GPR85: variants seen among roughly 807,000 people sequenced by gnomAD.
GPR85 encodes the protein G protein-coupled receptor 85, also known as probable G protein-coupled receptor 85.
Under a neutral mutation model 21.3 loss-of-function variants are expected in GPR85, and 7 were observed. The observed-to-expected ratio is 0.33, with a 90% confidence interval of 0.19 to 0.62. The LOEUF is 0.62. Among genes scored for constraint, GPR85 ranks in the 20% least tolerant of loss-of-function variants. The pLI, the probability that GPR85 is intolerant of heterozygous loss-of-function variation, is 0.80. For missense variants in GPR85, 299 were observed against 443.8 expected, an observed-to-expected ratio of 0.67 and a Z score of 2.93; for synonymous variants, 167 against 166.1, an observed-to-expected ratio of 1.01 and a Z score of -0.04.
chr7:113,082,871 A>G lies in GPR85; in HGVS notation c.*738T>C, dbSNP rs1794173240. 6.6e-6 allele frequency: 1 copy of G among 152,518 alleles called. No homozygotes were observed. Among genetic ancestry groups the G allele is most frequent in the South Asian group, 2.1e-4 (1 of 4,822 alleles). 9.4% of individuals were successfully genotyped at this position (152,518 alleles called of 1,614,324 possible). A position where few individuals can be genotyped will look rare whatever the true frequency, so the allele number is the denominator to read the frequency against. ...CATTAATGTTGCCTCCCAGACCAAT[A>G]TCTAGCATTTGTAAAATATAAATGA... On this transcript the variant is annotated 3_prime_UTR_variant, in exon 3 of 3. Coordinates refer to ENST00000424100, the MANE Select transcript of GPR85 (RefSeq NM_001146267.2).
In GPR85 at chr7:113,083,926, T is replaced by C; in HGVS notation, c.796A>G (p.Thr266Ala). Residue 266 changes from threonine (T) to alanine (A), a missense_variant, in exon 3 of 3, where the codon ACA (threonine) becomes GCA (alanine). Physicochemically the swap from Thr to Ala is moderately conservative, Grantham distance 58. Coordinates refer to ENST00000424100, the MANE Select transcript of GPR85 (RefSeq NM_001146267.2). This position sits in a 1 kb window ranked among gnomAD's most constrained non-coding sequence, Gnocchi z 4.4. ...AAGACCAATAGCCTTCTTCTGCCTG[T>C]GGTGTTTGCATTTTGCCTGATGCCC... Reference protein sequence around the residue: ...LLGIRQNANTTGRRRLLVLDE... With the variant: ...LLGIRQNANTAGRRRLLVLDE... The C allele has an allele frequency of 6.2e-7, 1 of 1,614,134 alleles. No individual in the cohort carries two copies. The highest frequency in any genetic ancestry group is 8.5e-7 in the Non-Finnish European group (1 of 1,180,006).
At chr7:113,085,289 C>G in intron 2 of GPR85, among the ~76,000 whole-genome samples, 1 of 152,174 alleles carries the variant, frequency 6.6e-6, no homozygotes, top group East Asian at 1.9e-4. Context: ...GTTTCACAGG[C>G]AGCTTCTCTG....
upstream of GPR85, among the ~76,000 whole-genome samples, chr7:113,087,048 T>C (rs907335746): frequency 1.3e-5 from 2 of 152,176 alleles, no homozygotes; most frequent in African/African-American, 4.8e-5. Context: ...TATTTATTTA[T>C]TTATCTTTTT....
Position 113,083,825 on chromosome 7 carries a change from G to A in GPR85, c.897C>T (p.Gly299=), listed in dbSNP as rs763976960. ...TCCAATAACAGGCCACCAGGTAGGG[G>A]CCCCACAAGGTTAGAAACAGAAAAG... ...IMTFLFLTLW[G]PYLVACYWRV... The change falls in exon 3 of 3, where the codon GGC becomes GGT. Residue 299 remains glycine (G), a synonymous_variant. Coordinates refer to ENST00000424100, the MANE Select transcript of GPR85 (RefSeq NM_001146267.2). This position sits in a 1 kb window ranked among gnomAD's most constrained non-coding sequence, Gnocchi z 4.4. 4 of 1,614,176 alleles carry A rather than the reference G, an allele frequency of 2.5e-6. No individual in the cohort carries two copies. The highest frequency in any genetic ancestry group is 3.4e-6 in the Non-Finnish European group (4 of 1,180,010).
chr7:113,086,362 T>A lies in GPR85; in HGVS notation c.-329A>T, dbSNP rs1794278913. ...ATCCCGACAGACTATAGCTTCTTTCTATAAATTGCTGATTTTTTTCTTTTT... is the reference window on the plus strand; with the variant it reads ...ATCCCGACAGACTATAGCTTCTTTCAATAAATTGCTGATTTTTTTCTTTTT... On this transcript the variant is annotated 5_prime_UTR_variant, in exon 1 of 3. An upstream open reading frame in the 5' UTR gains an earlier in-frame stop. Coordinates refer to ENST00000424100, the MANE Select transcript of GPR85 (RefSeq NM_001146267.2). The A allele has an allele frequency of 6.8e-6, 1 of 147,198 alleles. No homozygotes were observed. Among genetic ancestry groups the A allele is most frequent in the African/African-American group, 2.5e-5 (1 of 40,152 alleles). The allele number at this position is 147,198 out of a possible 1,614,324, so 9.1% of individuals were successfully genotyped here. A position where few individuals can be genotyped will look rare whatever the true frequency, so the allele number is the denominator to read the frequency against.
In GPR85 at chr7:113,083,896, C is replaced by A; in HGVS notation, c.826G>T (p.Glu276Ter). Residue 276 changes from glutamate to a stop codon, truncating the protein, a stop_gained, in exon 3 of 3, where the codon GAG (glutamate) becomes TAG (stop). Coordinates refer to ENST00000424100, the MANE Select transcript of GPR85 (RefSeq NM_001146267.2). LOFTEE classifies it high-confidence loss of function. This position sits in a 1 kb window ranked among gnomAD's most constrained non-coding sequence, Gnocchi z 4.4. Reference protein sequence around the residue: ...TGRRRLLVLDEFKMEKRISRM... With the variant: ...TGRRRLLVLD ...CTGATTCTTTTCTCCATTTTGAACT[C>A]GTCTAAGACCAATAGCCTTCTTCTG... is the stretch of plus-strand genomic sequence containing the variant. 6.2e-7 allele frequency: 1 copy of A among 1,614,100 alleles called. No individual in the cohort carries two copies. The highest frequency in any genetic ancestry group is 8.5e-7 in the Non-Finnish European group (1 of 1,180,014).
In GPR85 at chr7:113,083,461, G is replaced by A; in HGVS notation, c.*148C>T. ...TGAGATTTAAAATAGGATTATAGGT[G>A]AACTATTGCAAAGACTGCAGAATGT... On this transcript the variant is annotated 3_prime_UTR_variant, in exon 3 of 3. Coordinates refer to ENST00000424100, the MANE Select transcript of GPR85 (RefSeq NM_001146267.2). The surrounding 1 kb of genome is among the most constrained non-coding windows in gnomAD (Gnocchi z 4.4). 1.4e-6 allele frequency: 1 copy of A among 722,172 alleles called. No homozygotes were observed. Among genetic ancestry groups the A allele is most frequent in the Non-Finnish European group, 2.4e-6 (1 of 422,498 alleles). The allele number at this position is 722,172 out of a possible 1,614,324, so 44.7% of individuals were successfully genotyped here.
At chr7:113,087,683 T>A (rs550547702), upstream of GPR85, 1 of 153,488 alleles carries the variant, frequency 6.5e-6, no homozygotes, top group Admixed American at 6.5e-5. Context: ...TGCTTTATAA[T>A]AATCTGTTAA....
Position 113,086,604 on chromosome 7 carries a change from C to G in GPR85, c.-571G>C. 6.4e-6 allele frequency: 1 copy of G among 156,400 alleles called. No individual in the cohort carries two copies. The highest frequency in any genetic ancestry group is 1.4e-5 in the Non-Finnish European group (1 of 71,732). The allele number at this position is 156,400 out of a possible 1,614,324, so 9.7% of individuals were successfully genotyped here. ...GCGGCTGCGGTGGCGAGGGCGGCGG[C>G]GGGGCTGCTTCAGCCTCTGTGGAAC... On this transcript the variant is annotated 5_prime_UTR_variant, in exon 1 of 3. Transcript: ENST00000424100.
Position 113,084,464 on chromosome 7 carries a change from G to C in GPR85, c.258C>G (p.Thr86=). ...FVFNSVKNGS[T]WTYGTLTCKV... is the part of the protein sequence containing the mutation. ...TGCAAGTCAGAGTCCCATAAGTCCAGGTAGAACCATTTTTGACAGAGTTGA... is the reference window on the plus strand; with the variant it reads ...TGCAAGTCAGAGTCCCATAAGTCCACGTAGAACCATTTTTGACAGAGTTGA... Residue 86 remains threonine (T), a synonymous_variant, in exon 3 of 3, where the codon ACC becomes ACG. Coordinates refer to ENST00000424100, the MANE Select transcript of GPR85 (RefSeq NM_001146267.2). 15 of 1,614,058 alleles carry C rather than the reference G, an allele frequency of 9.3e-6. No individual in the cohort carries two copies. The highest frequency in any genetic ancestry group is 1.3e-5 in the Non-Finnish European group (15 of 1,179,954).
rs1303642750 is a variant in GPR85, at chr7:113,084,895, A to G, written c.-170-4T>C. 7.8e-5 allele frequency: 7 copies of G among 89,284 alleles called. No individual in the cohort carries two copies. Among genetic ancestry groups the G allele is most frequent in the East Asian group, 7.7e-4 (5 of 6,492 alleles). 5.5% of individuals were successfully genotyped at this position (89,284 alleles called of 1,614,324 possible). A position where few individuals can be genotyped will look rare whatever the true frequency, so the allele number is the denominator to read the frequency against. The stretch of plus-strand genomic sequence containing the variant: ...ACTTGTTTTGCCATCAGAATATCTG[A>G]AAAAAAAAAAAAAAAAAACCTATCA... On this transcript the variant is annotated splice_polypyrimidine_tract_variant and splice_region_variant and intron_variant, in intron 2 of 2. Transcript: ENST00000424100.
rs999887505 is a variant in GPR85 at position 113,083,282 on chromosome 7, T to G, written c.*327A>C. ...GTCCAATGCTAATTGTTTTTTGATG[T>G]TTTTTCATATGTAGTGACATACAGA... On this transcript the variant is annotated 3_prime_UTR_variant, in exon 3 of 3. Coordinates refer to ENST00000424100, the MANE Select transcript of GPR85 (RefSeq NM_001146267.2). This position sits in a 1 kb window ranked among gnomAD's most constrained non-coding sequence, Gnocchi z 4.4. 4.7e-6 allele frequency: 1 copy of G among 212,144 alleles called. No individual in the cohort carries two copies. Among genetic ancestry groups the G allele is most frequent in the Admixed American group, 5.6e-5 (1 of 17,990 alleles). The allele number at this position is 212,144 out of a possible 1,614,324, so 13.1% of individuals were successfully genotyped here. A position where few individuals can be genotyped will look rare whatever the true frequency, so the allele number is the denominator to read the frequency against.
rs1794299794 is a variant in GPR85, at chr7:113,086,427, T to TTTG, written c.-395_-394insCAA. The TTTG allele has an allele frequency of 1.9e-5, 2 of 102,600 alleles. No homozygotes were observed. Among genetic ancestry groups the TTTG allele is most frequent in the African/African-American group, 4.1e-5 (1 of 24,670 alleles). The allele number at this position is 102,600 out of a possible 1,614,324, so 6.4% of individuals were successfully genotyped here. A position where few individuals can be genotyped will look rare whatever the true frequency, so the allele number is the denominator to read the frequency against. Reference sequence around the variant, plus strand: ...TTTTTTTTTTTTTTTGTTTTTTGTTTTTTTTTTTTTTTTTTTTGCCTTAGT... The same window carrying TTTG: ...TTTTTTTTTTTTTTTGTTTTTTGTTTTTGTTTTTTTTTTTTTTTTTGCCTTAGT... On this transcript the variant is annotated 5_prime_UTR_variant, in exon 1 of 3. Coordinates refer to ENST00000424100, the MANE Select transcript of GPR85 (RefSeq NM_001146267.2).
Position 113,083,577 on chromosome 7 carries a change from T to G in GPR85, c.*32A>C, listed in dbSNP as rs761405789. On this transcript the variant is annotated 3_prime_UTR_variant, in exon 3 of 3. Coordinates refer to ENST00000424100, the MANE Select transcript of GPR85 (RefSeq NM_001146267.2). This position sits in a 1 kb window ranked among gnomAD's most constrained non-coding sequence, Gnocchi z 4.4. ...CAATTGCTCAGCAGAGAAGGTTAGT[T>G]TTCACAAGGCTAAAGATTTACAGAT... is the stretch of plus-strand genomic sequence containing the variant. 1 of 1,572,324 alleles carries G rather than the reference T, an allele frequency of 6.4e-7. No homozygotes were observed. Among genetic ancestry groups the G allele is most frequent in the Admixed American group, 1.8e-5 (1 of 54,704 alleles).
In GPR85 at chr7:113,086,397, T is replaced by TTTTTTTTTTG. The variant is rs1794286470; in HGVS notation, c.-365_-364insCAAAAAAAAA. On this transcript the variant is annotated 5_prime_UTR_variant, in exon 1 of 3. It introduces an in-frame stop codon into an upstream open reading frame of the 5' UTR. Coordinates refer to ENST00000424100, the MANE Select transcript of GPR85 (RefSeq NM_001146267.2). ...TGATTTTTTTCTTTTTTTCTTTTTC[T>TTTTTTTTTTG]TTTTTTTTTTTTTTTTTTTGTTTTT... The TTTTTTTTTTG allele has an allele frequency of 1.2e-4, 2 of 16,298 alleles. No individual in the cohort carries two copies. Among genetic ancestry groups the TTTTTTTTTTG allele is most frequent in the African/African-American group, 2.8e-4 (1 of 3,604 alleles). The allele number at this position is 16,298 out of a possible 1,614,324, so 1.0% of individuals were successfully genotyped here. A position where few individuals can be genotyped will look rare whatever the true frequency, so the allele number is the denominator to read the frequency against.
intron 1 of GPR85, 94 bp from the exon 2 acceptor site, chr7:113,086,203 C>CACACACAGAG: frequency 4.1e-5 from 1 of 24,448 alleles, no homozygotes; most frequent in Non-Finnish European, 2.7e-4. Context: ...CAGAGACACA[C>CACACACAGAG]ACACACACAC....
chr7:113,083,968 T>C lies in GPR85; in HGVS notation c.754A>G (p.Thr252Ala), dbSNP rs996876186. 3 of 1,614,196 alleles carry C rather than the reference T, an allele frequency of 1.9e-6. No homozygotes were observed. The highest frequency in any genetic ancestry group is 2.5e-6 in the Non-Finnish European group (3 of 1,180,038). Residue 252 changes from threonine to alanine, a missense_variant, in exon 3 of 3, where the codon ACA becomes GCA. Transcript: ENST00000424100. This position sits in a 1 kb window ranked among gnomAD's most constrained non-coding sequence, Gnocchi z 4.4. Reference sequence around the variant, plus strand: ...CTGATGCCCAGCAAGGTGGGTGGTGTGGGACCCCTTCCAAATCCTGCTAGC... The same window carrying C: ...CTGATGCCCAGCAAGGTGGGTGGTGCGGGACCCCTTCCAAATCCTGCTAGC... Reference protein sequence around the residue: ...NWLAGFGRGPTPPTLLGIRQN... With the variant: ...NWLAGFGRGPAPPTLLGIRQN...
At position 113,086,417 on chromosome 7, in the gene GPR85, G is replaced by GTTTTTTTTTTTTTTTTTTTT. The variant is rs1794296050; in HGVS notation, c.-385_-384insAAAAAAAAAAAAAAAAAAAA. On this transcript the variant is annotated 5_prime_UTR_variant, in exon 1 of 3. It removes the in-frame stop codon of an upstream open reading frame in the 5' UTR. Coordinates refer to ENST00000424100, the MANE Select transcript of GPR85 (RefSeq NM_001146267.2). ...TTTTCTTTTTTTTTTTTTTTTTTTT[G>GTTTTTTTTTTTTTTTTTTTT]TTTTTTGTTTTTTTTTTTTTTTTTT... 3.0e-5 allele frequency: 2 copies of GTTTTTTTTTTTTTTTTTTTT among 66,652 alleles called. No homozygotes were observed. Among genetic ancestry groups the GTTTTTTTTTTTTTTTTTTTT allele is most frequent in the African/African-American group, 6.2e-5 (1 of 16,242 alleles). The allele number at this position is 66,652 out of a possible 1,614,324, so 4.1% of individuals were successfully genotyped here. A position where few individuals can be genotyped will look rare whatever the true frequency, so the allele number is the denominator to read the frequency against.
chr7:113,084,176 A>T lies in GPR85; in HGVS notation c.546T>A (p.Asn182Lys). The stretch of plus-strand genomic sequence containing the variant: ...GAAGCAGCATAAATCCTAAGGAATC[A>T]TTAGCCCTGAAGGAGCGGTGTTGGA... ...CTFQHRSFRA[N>K]DSLGFMLLLA... Residue 182 changes from asparagine to lysine, a missense_variant, in exon 3 of 3, where the codon AAT (asparagine) becomes AAA (lysine). Physicochemically the swap from Asn to Lys is moderately conservative, Grantham distance 94. This residue lies in a region of GPR85 where 198 missense variants were observed against 335.4 expected (regional missense o/e 0.59). Transcript: ENST00000424100. 1 of 1,614,124 alleles carries T rather than the reference A, an allele frequency of 6.2e-7. No individual in the cohort carries two copies. The highest frequency in any genetic ancestry group is 8.5e-7 in the Non-Finnish European group (1 of 1,179,994).
Sources: gnomAD v4.1 joint callset for allele counts (sites outside exome capture counted in the v4.1 genomes callset) on GRCh38, gnomAD v4.1.1 for gene constraint, gnomAD v4.1.1 regional missense constraint, Gnocchi (gnomAD v3.1) non-coding constraint, MANE v1.5 for transcripts, NCBI Gene and HGNC (gene_info 2026-07-23, HGNC 2026-07-21) for gene names.